THSD7A: variants seen among roughly 807,000 people sequenced by gnomAD.
THSD7A encodes thrombospondin type-1 domain-containing protein 7A.
Under a neutral mutation model 231.3 loss-of-function variants are expected in THSD7A, and 96 were observed. The observed-to-expected ratio is 0.41, with a 90% CI of 0.35 to 0.49. THSD7A has a LOEUF of 0.49. Among genes scored for constraint, THSD7A ranks in the 20% least tolerant of loss-of-function variants. The pLI is 0.05. For synonymous variants in THSD7A, 940 were observed against 743.3 expected, an observed-to-expected ratio of 1.26 and a Z score of -4.30; for missense variants, 2,290 against 2,070.2, an observed-to-expected ratio of 1.11 and a Z score of -2.06.
At chr7:11,821,006 A>C in intron 1 of THSD7A, 1 of 1,010,506 alleles carries the variant, frequency 9.9e-7, no homozygotes, top group Non-Finnish European at 1.5e-6. Flanking sequence ...ATTTTCCCTC[A>C]GCCTTGTAGC....
intron 1 of THSD7A, among the ~76,000 whole-genome samples, chr7:11,708,477 G>C (rs78313402): frequency 0.1 from 15,178 of 150,624 alleles, 949 homozygotes; most frequent in South Asian, 0.16. Flanking sequence ...CTAATAAAAT[G>C]AATAGAAAAT....
chr7:11,529,244 T>G (rs1247252923), intron 6 of THSD7A, among the ~76,000 whole-genome samples: 2 of 152,124 alleles, frequency 1.3e-5, no homozygotes, highest in African/African-American at 4.8e-5. Context: ...GTGAAATAAT[T>G]TTTTTATTAT....
chr7:11,820,418 C>T, intron 1 of THSD7A: 1 of 1,329,234 alleles, frequency 7.5e-7, no homozygotes, highest in Non-Finnish European at 1.0e-6. Flanking sequence ...TTGTCATGGG[C>T]CCACTTGGGG....
chr7:11,682,231 G>A (rs953653474), intron 1 of THSD7A, among the ~76,000 whole-genome samples: 5 of 152,150 alleles, frequency 3.3e-5, no homozygotes, highest in Middle Eastern at 3.4e-3. Flanking sequence ...ATAACACCAC[G>A]ACAAAACTAA....
chr7:11,735,915 T>C (rs1781898783), intron 1 of THSD7A, among the ~76,000 whole-genome samples: 1 of 151,812 alleles, frequency 6.6e-6, no homozygotes, highest in African/African-American at 2.4e-5. Context: ...ACCAGAAAAA[T>C]GAAATCAATA....
At position 11,567,783 on chromosome 7, in the gene THSD7A, A is replaced by C. The variant is rs555487849; in HGVS notation, c.1453+22677T>G. On this transcript the variant is annotated intron_variant, in intron 4 of 27. Transcript: ENST00000423059. Reference sequence around the variant, plus strand: ...CAACTTGGGATTCACCACAAGTCAGACCAGTTTTGCATATTTTGACCCTAG... The same window carrying C: ...CAACTTGGGATTCACCACAAGTCAGCCCAGTTTTGCATATTTTGACCCTAG... 2.5e-3 allele frequency among the ~76,000 whole-genome samples: 376 copies of C among 152,234 alleles called. 1 individual carries two copies. Among genetic ancestry groups the C allele is most frequent in the African/African-American group, 8.7e-3 (361 of 41,540 alleles).
At chr7:11,598,338 T>C (rs1025338304) in intron 2 of THSD7A, among the ~76,000 whole-genome samples, 3 of 152,170 alleles carry the variant, frequency 2.0e-5, no homozygotes, top group Non-Finnish European at 2.9e-5. Flanking sequence ...TGCTCACCAA[T>C]GGGTGACCTC....
At chr7:11,782,212 A>T (rs1040890437) in intron 1 of THSD7A, among the ~76,000 whole-genome samples, 8 of 152,202 alleles carry the variant, frequency 5.3e-5, no homozygotes, top group African/African-American at 1.9e-4. Flanking sequence ...AATGGAATAT[A>T]AAGAAAATCC....
chr7:11,749,009 C>G (rs1487357709), intron 1 of THSD7A, among the ~76,000 whole-genome samples: 4 of 151,816 alleles, frequency 2.6e-5, no homozygotes, highest in African/African-American at 9.7e-5. Context: ...AGAGTGTCAC[C>G]CCAAGATCCG....
At chr7:11,769,147 A>ATTTTTTT (rs1562541356) in intron 1 of THSD7A, among the ~76,000 whole-genome samples, 11 of 35,638 alleles carry the variant, frequency 3.1e-4, no homozygotes, top group African/African-American at 9.5e-4. Context: ...ATATATATAT[A>ATTTTTTT]TATATATTTT....
intron 22 of THSD7A, among the ~76,000 whole-genome samples, chr7:11,405,592 C>G (rs1378328562): frequency 1.3e-5 from 2 of 152,142 alleles, no homozygotes; most frequent in Non-Finnish European, 2.9e-5. Flanking sequence ...CTACAATTCT[C>G]TGCATCAAGC....
intron 1 of THSD7A, among the ~76,000 whole-genome samples, chr7:11,762,880 C>T (rs1782911177): frequency 6.6e-6 from 1 of 151,976 alleles, no homozygotes; most frequent in Admixed American, 6.6e-5. Context: ...CCATATTGAC[C>T]AAAGAAATCT....
At chr7:11,401,529 T>C (rs1783401922) in intron 23 of THSD7A, among the ~76,000 whole-genome samples, 1 of 152,144 alleles carries the variant, frequency 6.6e-6, no homozygotes, top group African/African-American at 2.4e-5. Context: ...GTGATTCTCC[T>C]GCCTCAGCCT....
chr7:11,439,805 A>G (rs1221623414), intron 13 of THSD7A, among the ~76,000 whole-genome samples: 1 of 152,068 alleles, frequency 6.6e-6, no homozygotes, highest in Non-Finnish European at 1.5e-5. Context: ...CTATAACATA[A>G]AAGTGCAAAG....
At chr7:11,722,085 G>A (rs541934453) in intron 1 of THSD7A, among the ~76,000 whole-genome samples, 3 of 151,976 alleles carry the variant, frequency 2.0e-5, no homozygotes, top group Admixed American at 6.6e-5. Context: ...TAGCATGGCT[G>A]ACACCATGTT....
chr7:11,512,897 T>G (rs1429672771), intron 6 of THSD7A, among the ~76,000 whole-genome samples: 2 of 137,002 alleles, frequency 1.5e-5, no homozygotes, highest in African/African-American at 5.8e-5. Flanking sequence ...CTGCACATTG[T>G]GCACATATAC....
chr7:11,475,617 CAT>C (rs560180633), intron 7 of THSD7A, among the ~76,000 whole-genome samples: 16 of 147,874 alleles, frequency 1.1e-4, no homozygotes, highest in Admixed American at 6.8e-4. Context: ...ACATATATAA[CAT>C]ATATATAACA....
intron 6 of THSD7A, among the ~76,000 whole-genome samples, chr7:11,519,211 G>A (rs1437713194): frequency 6.6e-6 from 1 of 151,942 alleles, no homozygotes; most frequent in Non-Finnish European, 1.5e-5. Context: ...CTGGGTAATC[G>A]CTTTGCAGAT....
intron 13 of THSD7A, among the ~76,000 whole-genome samples, chr7:11,434,658 AT>A (rs1784576573): frequency 2.0e-5 from 3 of 152,036 alleles, no homozygotes; most frequent in Non-Finnish European, 2.9e-5. Context: ...ACCTCAAAAA[AT>A]CTCTTCTACT....
Sources: allele counts gnomAD v4.1 joint callset (sites outside exome capture counted in the v4.1 genomes callset), GRCh38; gene constraint gnomAD v4.1.1; transcripts MANE v1.5; gene names NCBI Gene and HGNC (gene_info 2026-07-23, HGNC 2026-07-21).